Variants in PGAP4 observed in about 807,000 individuals in gnomAD.
PGAP4 encodes the protein post-GPI attachment to proteins GalNAc transferase 4.
In PGAP4, 12 loss-of-function variants were observed where a neutral mutation model predicts 28.2. That is an observed-to-expected ratio of 0.42 (90% confidence interval 0.27 to 0.69). The LOEUF (loss-of-function observed/expected upper bound fraction) is 0.69. PGAP4 is among the 30% of genes least tolerant of loss of function. The pLI, the probability that PGAP4 is intolerant of heterozygous loss-of-function variation, is 0.22. For missense variants in PGAP4, 425 were observed against 513.5 expected, an observed-to-expected ratio of 0.83 and a Z score of 1.67; for synonymous variants, 205 against 211.8, an observed-to-expected ratio of 0.97 and a Z score of 0.28.
At position 101,475,909 on chromosome 9, in the gene PGAP4, C is replaced by T. The variant is rs747987788; in HGVS notation, c.1184G>A (p.Arg395Gln). Residue 395 changes from arginine to glutamine, a missense_variant, in exon 2 of 2, where the codon CGG (arginine) becomes CAG (glutamine). Physicochemically the swap from Arg to Gln is conservative, Grantham distance 43 (BLOSUM62 1). Transcript: ENST00000374848. Reference protein sequence around the residue: ...VKHIGLFSSLRYNFHPSLL With the variant: ...VKHIGLFSSLQYNFHPSLL The stretch of plus-strand genomic sequence containing the variant: ...GAGGAGACTGGGATGAAAGTTGTAC[C>T]GGAGACTGGAGAAGAGCCCGATGTG... 2.0e-5 allele frequency: 32 copies of T among 1,613,896 alleles called. No individual in the cohort carries two copies. The highest frequency in any genetic ancestry group is 6.7e-5 in the East Asian group (3 of 44,892).
chr9:101,501,671 T>G, intron 2 of PGAP4: 4 of 516,118 alleles, frequency 7.8e-6, no homozygotes, highest in Non-Finnish European at 1.5e-5. Context: ...TTTCTTCAGT[T>G]GGCTGTAATC....
At chr9:101,494,835 T>C (rs1272875800) in intron 2 of PGAP4, among the ~76,000 whole-genome samples, 2 of 151,442 alleles carry the variant, frequency 1.3e-5, no homozygotes, top group Admixed American at 6.6e-5. Flanking sequence ...TGTAGCATTT[T>C]AAGATAACCA....
intron 2 of PGAP4, among the ~76,000 whole-genome samples, chr9:101,510,729 A>G (rs1282489106): frequency 6.6e-6 from 1 of 152,154 alleles, no homozygotes; most frequent in Admixed American, 6.6e-5. Flanking sequence ...CAAAACTGTG[A>G]CTGTGACAAG....
intron 2 of PGAP4, among the ~76,000 whole-genome samples, chr9:101,509,008 T>A (rs1826873723): frequency 6.6e-6 from 1 of 152,198 alleles, no homozygotes; most frequent in Non-Finnish European, 1.5e-5. Flanking sequence ...ACAGTTAGGA[T>A]TTGAAGTTGT....
chr9:101,495,040 T>C (rs1445019777), intron 2 of PGAP4, among the ~76,000 whole-genome samples: 2 of 143,178 alleles, frequency 1.4e-5, no homozygotes, highest in African/African-American at 2.6e-5. Context: ...ATCAATACCA[T>C]ATCCCTAAAT....
At chr9:101,478,780 T>C (rs991417256) in intron 1 of PGAP4, among the ~76,000 whole-genome samples, 1 of 152,210 alleles carries the variant, frequency 6.6e-6, no homozygotes, top group African/African-American at 2.4e-5. Flanking sequence ...TGGGACGGCA[T>C]GGAACAGATG....
At chr9:101,524,630 C>T (rs919920100) in intron 2 of PGAP4, among the ~76,000 whole-genome samples, 3 of 152,190 alleles carry the variant, frequency 2.0e-5, no homozygotes, top group African/African-American at 4.8e-5. Flanking sequence ...TGGGGGACCC[C>T]GTGAGCTCCC....
chr9:101,475,833 T>C lies in PGAP4; in HGVS notation c.*48A>G, dbSNP rs753006999. 1.3e-6 allele frequency: 2 copies of C among 1,548,728 alleles called. No homozygotes were observed. Among genetic ancestry groups the C allele is most frequent in the East Asian group, 2.2e-5 (1 of 44,510 alleles). Reference sequence around the variant, plus strand: ...CATGTCTAAATAAAGAGATAAATATTTGAATCTTCAAGAAGTGGCCAACTT... The same window carrying C: ...CATGTCTAAATAAAGAGATAAATATCTGAATCTTCAAGAAGTGGCCAACTT... On this transcript the variant is annotated 3_prime_UTR_variant, in exon 2 of 2. Transcript: ENST00000374848.
At chr9:101,528,958 C>A (rs1018952759) in intron 2 of PGAP4, among the ~76,000 whole-genome samples, 1 of 151,898 alleles carries the variant, frequency 6.6e-6, no homozygotes, top group African/African-American at 2.4e-5. Flanking sequence ...CTTCACTAGG[C>A]CCTGGTTTGT....
At chr9:101,483,303 C>T (rs565061524) in intron 1 of PGAP4, among the ~76,000 whole-genome samples, 8 of 152,246 alleles carry the variant, frequency 5.3e-5, no homozygotes, top group African/African-American at 1.4e-4. Flanking sequence ...GTGTAGAGAT[C>T]GACTTATTTG....
chr9:101,491,946 A>G (rs539645832), upstream of PGAP4, among the ~76,000 whole-genome samples: 8 of 150,662 alleles, frequency 5.3e-5, no homozygotes, highest in East Asian at 1.9e-4. Context: ...GCATTCTGCA[A>G]TTGTTGGGGG....
intron 2 of PGAP4, among the ~76,000 whole-genome samples, chr9:101,512,273 C>G (rs145108801): frequency 6.0e-4 from 91 of 152,206 alleles, no homozygotes; most frequent in African/African-American, 2.0e-3. Context: ...CCGCCCTGCC[C>G]GTCCCAAAGG....
At chr9:101,516,893 A>T (rs1392488587) in intron 2 of PGAP4, among the ~76,000 whole-genome samples, 2 of 152,172 alleles carry the variant, frequency 1.3e-5, no homozygotes, top group South Asian at 2.1e-4. Context: ...TTGTCACTTG[A>T]CCTGATTAAC....
At chr9:101,521,690 TG>T (rs1008298889) in intron 2 of PGAP4, among the ~76,000 whole-genome samples, 67 of 152,220 alleles carry the variant, frequency 4.4e-4, no homozygotes, top group Middle Eastern at 3.4e-3. Flanking sequence ...TTGTATTTTT[TG>T]TTTGTTTGTT....
intron 2 of PGAP4, among the ~76,000 whole-genome samples, chr9:101,513,303 C>A (rs1826913797): frequency 6.6e-6 from 1 of 152,136 alleles, no homozygotes; most frequent in South Asian, 2.1e-4. Flanking sequence ...CTCTAACCAT[C>A]ACCTAATCTT....
intron 2 of PGAP4, among the ~76,000 whole-genome samples, chr9:101,514,149 G>A (rs1826923442): frequency 6.6e-6 from 1 of 152,066 alleles, no homozygotes; most frequent in Non-Finnish European, 1.5e-5. Context: ...CAGAGGTAAT[G>A]CTATACCAGT....
exon 1 of PGAP4, chr9:101,533,409 C>G (rs1172925550): frequency 1.3e-5 from 2 of 152,268 alleles, no homozygotes. Flanking sequence ...CCCTCAGATT[C>G]TCTCCAGAAC....
Position 101,481,834 on chromosome 9 carries a change from A to G in PGAP4, c.-77-4665T>C, listed in dbSNP as rs114980017. ...TTTCCCAGGCAACTCAGTCTAAAAC[A>G]CTAGTTAGTTCTAACTTCTCACCTC... is the stretch of plus-strand genomic sequence containing the variant. On this transcript the variant is annotated intron_variant, in intron 1 of 1. Transcript: ENST00000374848. 6.4e-3 allele frequency among the ~76,000 whole-genome samples: 979 copies of G among 152,284 alleles called. 9 individuals are homozygous for G. The highest frequency in any genetic ancestry group is 0.022 in the African/African-American group (910 of 41,570).
intron 2 of PGAP4, among the ~76,000 whole-genome samples, chr9:101,510,567 C>T (rs1193346089): frequency 6.6e-6 from 1 of 152,074 alleles, no homozygotes; most frequent in African/African-American, 2.4e-5. Flanking sequence ...TTAAGTAGGA[C>T]ACTTGGTATT....
Sources: gnomAD v4.1 joint callset for allele counts (sites outside exome capture counted in the v4.1 genomes callset) on GRCh38, gnomAD v4.1.1 for gene constraint, MANE v1.5 for transcripts, NCBI Gene and HGNC (gene_info 2026-07-23, HGNC 2026-07-21) for gene names.